The following BIN1 variants were observed in gnomAD, a reference collection of about 807,000 sequenced individuals.
BIN1 encodes bridging integrator 1, also known as myc box-dependent-interacting protein 1.
A neutral mutation model predicts 82.0 loss-of-function variants in BIN1; 53 were observed. That is an observed-to-expected ratio of 0.65 (90% confidence interval 0.52 to 0.81). BIN1 has a LOEUF of 0.81. Among genes scored for constraint, BIN1 ranks in the 40% least tolerant of loss-of-function variants. The pLI is 0.00. For missense variants in BIN1, 642 were observed against 784.4 expected, an observed-to-expected ratio of 0.82 and a Z score of 2.17; for synonymous variants, 302 against 328.0, an observed-to-expected ratio of 0.92 and a Z score of 0.86.
At chr2:127,077,210 G>T (rs994229074) in intron 1 of BIN1, among the ~76,000 whole-genome samples, 2 of 152,236 alleles carry the variant, frequency 1.3e-5, no homozygotes, top group African/African-American at 4.8e-5. Context: ...GGAACAAGGA[G>T]GGCAGCGAGC....
intron 1 of BIN1, among the ~76,000 whole-genome samples, chr2:127,103,373 C>T (rs930796103): frequency 4.6e-5 from 7 of 152,152 alleles, no homozygotes; most frequent in African/African-American, 1.4e-4. Context: ...CTCTAGGAAT[C>T]GCCACCACTG....
At chr2:127,075,104 TCGATAGTGAA>T (rs1462501338) in intron 2 of BIN1, among the ~76,000 whole-genome samples, 1 of 152,130 alleles carries the variant, frequency 6.6e-6, no homozygotes, top group African/African-American at 2.4e-5. Context: ...GAGAGGAAAC[TCGATAGTGAA>T]CCAAAGGCCA....
At chr2:127,054,447 C>A (rs1438998738) in intron 12 of BIN1, 2 of 242,394 alleles carry the variant, frequency 8.3e-6, no homozygotes, top group South Asian at 5.2e-5. Flanking sequence ...TGCTACCCCC[C>A]AGTGGCGAGA....
Position 127,057,243 on chromosome 2 carries a change from G to A in BIN1, c.1131+230C>T, listed in dbSNP as rs187640378. On this transcript the variant is annotated intron_variant, in intron 12 of 18. Transcript: ENST00000316724. The surrounding 1 kb of genome is among the most constrained non-coding windows in gnomAD (Gnocchi z 5.0). ...ATGTAACTGCTGCGCCGGGAGAGGCGGCACCTTCCCCTCTGTGGCCCTGCA... is the reference window on the plus strand; with the variant it reads ...ATGTAACTGCTGCGCCGGGAGAGGCAGCACCTTCCCCTCTGTGGCCCTGCA... Among the ~76,000 whole-genome samples, 304 of 152,322 alleles carry A rather than the reference G, an allele frequency of 2.0e-3. 2 individuals are homozygous for A. Among genetic ancestry groups the A allele is most frequent in the Admixed American group, 4.1e-3 (63 of 15,312 alleles).
intron 1 of BIN1, among the ~76,000 whole-genome samples, chr2:127,080,041 C>A (rs1185596193): frequency 2.0e-5 from 3 of 152,262 alleles, no homozygotes; most frequent in African/African-American, 7.2e-5. Flanking sequence ...ATGGCCGAGG[C>A]CCAGGGAAGA....
intron 1 of BIN1, among the ~76,000 whole-genome samples, chr2:127,099,440 C>A (rs1249217138): frequency 6.6e-6 from 1 of 152,060 alleles, no homozygotes; most frequent in Non-Finnish European, 1.5e-5. Context: ...ACTAGTATGA[C>A]CATCATCTCA....
rs1400975252 is a variant in BIN1 at position 127,082,796 on chromosome 2, C to T, written c.85-6090G>A. On this transcript the variant is annotated intron_variant, in intron 1 of 18. Coordinates refer to ENST00000316724, the MANE Select transcript of BIN1 (RefSeq NM_139343.3). The surrounding 1 kb of genome is among the most constrained non-coding windows in gnomAD (Gnocchi z 6.1). ...CCCATCCCCACTCCGACAGTGGAGC[C>T]ACCTAAGCCTGCTCCCCACCTCTGG... 1.3e-5 allele frequency among the ~76,000 whole-genome samples: 2 copies of T among 152,012 alleles called. No homozygotes were observed. Among genetic ancestry groups the T allele is most frequent in the East Asian group, 1.9e-4 (1 of 5,168 alleles).
Position 127,106,876 on chromosome 2 carries a change from G to C in BIN1, c.68C>G (p.Thr23Ser). 2.5e-6 allele frequency: 4 copies of C among 1,611,284 alleles called. No homozygotes were observed. The highest frequency in any genetic ancestry group is 3.4e-6 in the Non-Finnish European group (4 of 1,179,354). The change falls in exon 1 of 19, where the codon ACC becomes AGC. Residue 23 changes from threonine to serine, a missense_variant. Physicochemically the swap from Thr to Ser is moderately conservative, Grantham distance 58 (BLOSUM62 1). Coordinates refer to ENST00000316724, the MANE Select transcript of BIN1 (RefSeq NM_139343.3). ...KIASNVQKKL[T>S]RAQEKVLQKL... ...CTCGCTCACCTTCTCCTGCGCGCGGGTGAGCTTCTTCTGCACGTTGCTGGC... is the reference window on the plus strand; with the variant it reads ...CTCGCTCACCTTCTCCTGCGCGCGGCTGAGCTTCTTCTGCACGTTGCTGGC...
At chr2:127,072,006 C>G (rs1685953847) in intron 2 of BIN1, among the ~76,000 whole-genome samples, 1 of 152,136 alleles carries the variant, frequency 6.6e-6, no homozygotes, top group Non-Finnish European at 1.5e-5. Context: ...GAAGGGCACC[C>G]TCCTGGCCTC....
Position 127,082,921 on chromosome 2 carries a change from C to A in BIN1, c.85-6215G>T, listed in dbSNP as rs1382115667. 6.6e-6 allele frequency among the ~76,000 whole-genome samples: 1 copy of A among 151,924 alleles called. No individual in the cohort carries two copies. Among genetic ancestry groups the A allele is most frequent in the Non-Finnish European group, 1.5e-5 (1 of 67,996 alleles). ...GGGAGGAAAAGAGGTTCTAAGCCCA[C>A]CACTCACCTCCACATTTCATGTGGC... On this transcript the variant is annotated intron_variant, in intron 1 of 18. Coordinates refer to ENST00000316724, the MANE Select transcript of BIN1 (RefSeq NM_139343.3). This position sits in a 1 kb window ranked among gnomAD's most constrained non-coding sequence, Gnocchi z 6.1.
chr2:127,050,107 A>G (rs547345695), intron 18 of BIN1, among the ~76,000 whole-genome samples: 2 of 152,278 alleles, frequency 1.3e-5, no homozygotes, highest in Admixed American at 6.5e-5. Context: ...GGAGAAGGGG[A>G]GAGACAGAGG....
intron 1 of BIN1, among the ~76,000 whole-genome samples, chr2:127,080,978 T>C (rs559379481): frequency 3.3e-5 from 5 of 152,270 alleles, no homozygotes; most frequent in Non-Finnish European, 7.4e-5. Flanking sequence ...AGTGGGAGCA[T>C]CCCGTGGGTG....
intron 1 of BIN1, 81 bp from the exon 2 acceptor site, chr2:127,076,787 C>G: frequency 1.3e-6 from 2 of 1,508,816 alleles, no homozygotes; most frequent in Non-Finnish European, 1.8e-6. Flanking sequence ...TCACCAACAG[C>G]ACAGACCAGG....
chr2:127,065,463 CA>C (rs1244031647), intron 7 of BIN1, among the ~76,000 whole-genome samples: 5 of 152,270 alleles, frequency 3.3e-5, no homozygotes, highest in Non-Finnish European at 7.4e-5. Flanking sequence ...CATTACCTGG[CA>C]GGGGGGCTGC....
chr2:127,061,570 C>T (rs1352980005), intron 10 of BIN1, among the ~76,000 whole-genome samples: 1 of 152,226 alleles, frequency 6.6e-6, no homozygotes, highest in Admixed American at 6.5e-5. Flanking sequence ...AGGCATTTCC[C>T]TCCTCCCTCA....
At chr2:127,105,027 A>T (rs1680858719) in intron 1 of BIN1, among the ~76,000 whole-genome samples, 1 of 152,246 alleles carries the variant, frequency 6.6e-6, no homozygotes, top group Non-Finnish European at 1.5e-5. Context: ...ACCAACTGTC[A>T]GCCAACTGCC....
intron 1 of BIN1, among the ~76,000 whole-genome samples, chr2:127,098,021 T>C (rs1679818526): frequency 6.6e-6 from 1 of 152,162 alleles, no homozygotes; most frequent in South Asian, 2.1e-4. Flanking sequence ...CCCACAGTCC[T>C]GGGATGAGTG....
At chr2:127,098,906 T>C (rs866436393) in intron 1 of BIN1, among the ~76,000 whole-genome samples, 4 of 152,170 alleles carry the variant, frequency 2.6e-5, no homozygotes, top group Non-Finnish European at 5.9e-5. Flanking sequence ...ACCCCATTTG[T>C]GGGCACCAAG....
Position 127,078,190 on chromosome 2 carries a change from C to G in BIN1, c.85-1484G>C, listed in dbSNP as rs972110099. Reference sequence around the variant, plus strand: ...TGTGCTGCCCTGCTGCACTTCCCCCCCCAGCCAGGCCCAGAAGCCTTGGCA... The same window carrying G: ...TGTGCTGCCCTGCTGCACTTCCCCCGCCAGCCAGGCCCAGAAGCCTTGGCA... On this transcript the variant is annotated intron_variant, in intron 1 of 18. Transcript: ENST00000316724. 1.2e-4 allele frequency among the ~76,000 whole-genome samples: 18 copies of G among 151,988 alleles called. No individual in the cohort carries two copies. The East Asian group carries it at 1.9e-3, about 16-fold the overall frequency.
Sources: allele counts gnomAD v4.1 joint callset (sites outside exome capture counted in the v4.1 genomes callset), GRCh38; gene constraint gnomAD v4.1.1; non-coding constraint Gnocchi (gnomAD v3.1); transcripts MANE v1.5; gene names NCBI Gene and HGNC (gene_info 2026-07-23, HGNC 2026-07-21).